The following HEG1 variants were observed in gnomAD, a reference collection of about 807,000 sequenced individuals.
HEG1 encodes the protein heart development protein with EGF like domains 1.
Under a neutral mutation model 125.6 loss-of-function variants are expected in HEG1, and 56 were observed. The ratio of observed to expected loss-of-function variants is 0.45; its 90% CI spans 0.36 to 0.56. The LOEUF (loss-of-function observed/expected upper bound fraction) is 0.56. HEG1 is among the 20% of genes least tolerant of loss of function. The probability of loss-of-function intolerance (pLI) is 0.00; values close to 1 mark genes in which losing one functional copy is unlikely to be tolerated. For missense variants in HEG1, 1,523 were observed against 1,670.0 expected (o/e 0.91, Z 1.53); for synonymous variants, 644 against 668.5 (o/e 0.96, Z 0.57).
At position 125,010,446 on chromosome 3, in the gene HEG1, G is replaced by A. The variant is rs762366970; in HGVS notation, c.3066C>T (p.Cys1022=). 6.4e-7 allele frequency: 1 copy of A among 1,551,022 alleles called. No individual in the cohort carries two copies. Among genetic ancestry groups the A allele is most frequent in the South Asian group, 1.2e-5 (1 of 83,972 alleles). ...RCPPSWQGDD[C]SVDVNECLSN... ...CGTTACTTTTTCTCTTACCCACACT[G>A]CAATCATCCCCTTGCCAGGAAGGCG... The change falls in exon 7 of 17, where the codon TGC becomes TGT. Residue 1022 remains cysteine, a synonymous_variant. Coordinates refer to ENST00000311127, the MANE Select transcript of HEG1 (RefSeq NM_020733.2).
chr3:125,040,271 A>T (rs1339484689), intron 1 of HEG1, among the ~76,000 whole-genome samples: 1 of 152,190 alleles, frequency 6.6e-6, no homozygotes, highest in East Asian at 1.9e-4. Flanking sequence ...AGGATCAAGG[A>T]CTGATTCCCG....
chr3:124,982,776 C>A (rs1345041324), intron 14 of HEG1, among the ~76,000 whole-genome samples: 3 of 152,214 alleles, frequency 2.0e-5, no homozygotes, highest in Non-Finnish European at 4.4e-5. Flanking sequence ...GGTGGGCACA[C>A]TCGGACATGT....
chr3:125,008,334 G>T (rs1268485171), intron 8 of HEG1, among the ~76,000 whole-genome samples: 2 of 152,080 alleles, frequency 1.3e-5, no homozygotes, highest in Non-Finnish European at 2.9e-5. Flanking sequence ...ATTTTGGTAG[G>T]GTACTTCTTA....
At chr3:125,042,546 G>A (rs749380495) in intron 1 of HEG1, among the ~76,000 whole-genome samples, 1 of 152,258 alleles carries the variant, frequency 6.6e-6, no homozygotes, top group Non-Finnish European at 1.5e-5. Flanking sequence ...TTCCAGGAGA[G>A]CTGGACCATG....
At chr3:125,032,942 G>A (rs1465054026) in intron 1 of HEG1, among the ~76,000 whole-genome samples, 1 of 152,100 alleles carries the variant, frequency 6.6e-6, no homozygotes, top group African/African-American at 2.4e-5. Flanking sequence ...TTCAGCTCAG[G>A]GAACTCCAGT....
At chr3:125,005,508 A>G (rs747596287) in intron 8 of HEG1, 140 bp from the exon 9 acceptor site, 22 of 556,594 alleles carry the variant, frequency 4.0e-5, no homozygotes, top group Non-Finnish European at 6.5e-5. Flanking sequence ...ATGGGTGAAG[A>G]CTCCCTCTCC....
At chr3:125,029,751 T>C (rs1937472026) in intron 1 of HEG1, among the ~76,000 whole-genome samples, 1 of 151,970 alleles carries the variant, frequency 6.6e-6, no homozygotes, top group Non-Finnish European at 1.5e-5. Context: ...AATTAGCCGG[T>C]CGTGATGGCA....
intron 14 of HEG1, among the ~76,000 whole-genome samples, chr3:124,989,667 C>T (rs566067400): frequency 6.6e-6 from 1 of 152,300 alleles, no homozygotes; most frequent in African/African-American, 2.4e-5. Context: ...GGCTGCTTGG[C>T]GTTCCACCCT....
At chr3:125,034,207 A>C (rs1440669027) in intron 1 of HEG1, among the ~76,000 whole-genome samples, 2 of 39,872 alleles carry the variant, frequency 5.0e-5, no homozygotes, top group African/African-American at 1.5e-4. Context: ...AAAACGAGGC[A>C]TCCATGAGGA....
At chr3:125,037,853 C>T (rs1257666626) in intron 1 of HEG1, among the ~76,000 whole-genome samples, 1 of 152,210 alleles carries the variant, frequency 6.6e-6, no homozygotes, top group Non-Finnish European at 1.5e-5. Context: ...CTCTTTCATA[C>T]CCTATGATCT....
At chr3:125,030,492 A>T (rs1937482996) in intron 1 of HEG1, among the ~76,000 whole-genome samples, 1 of 152,272 alleles carries the variant, frequency 6.6e-6, no homozygotes. Context: ...TACAGTAGAC[A>T]GTATCCACAA....
At chr3:124,980,756 T>C (rs1267584690) in intron 14 of HEG1, among the ~76,000 whole-genome samples, 1 of 152,144 alleles carries the variant, frequency 6.6e-6, no homozygotes, top group Non-Finnish European at 1.5e-5. Context: ...TGGCCTCCAG[T>C]GATCCGCTCA....
intron 1 of HEG1, among the ~76,000 whole-genome samples, chr3:125,032,260 C>T (rs1403500758): frequency 6.6e-6 from 1 of 152,198 alleles, no homozygotes; most frequent in Non-Finnish European, 1.5e-5. Context: ...CAGTGGCTCA[C>T]TTATTTGGGG....
At chr3:125,028,616 G>C (rs1303391950) in intron 2 of HEG1, among the ~76,000 whole-genome samples, 2 of 152,176 alleles carry the variant, frequency 1.3e-5, no homozygotes, top group Non-Finnish European at 2.9e-5. Context: ...ACTTCTCTGA[G>C]CTTCAGTTTC....
chr3:125,014,410 T>C (rs1424872631), intron 5 of HEG1, among the ~76,000 whole-genome samples: 2 of 152,196 alleles, frequency 1.3e-5, no homozygotes, highest in East Asian at 3.8e-4. Flanking sequence ...CTTTCCATTC[T>C]ATAGAATGAG....
At chr3:124,992,670 C>T (rs768154557) in intron 12 of HEG1, among the ~76,000 whole-genome samples, 7 of 152,306 alleles carry the variant, frequency 4.6e-5, no homozygotes, top group Admixed American at 1.3e-4. Context: ...TTCCTCATGA[C>T]GATGTGTTGA....
intron 9 of HEG1, among the ~76,000 whole-genome samples, chr3:125,002,560 T>A (rs1235989859): frequency 1.3e-5 from 2 of 152,174 alleles, no homozygotes; most frequent in African/African-American, 4.8e-5. Flanking sequence ...GAAATGATGT[T>A]CAGAATAGCA....
intron 14 of HEG1, among the ~76,000 whole-genome samples, chr3:124,981,233 CT>C (rs11461179): frequency 1.4e-5 from 2 of 142,234 alleles, no homozygotes; most frequent in African/African-American, 2.6e-5. Context: ...TCACTTTTTC[CT>C]TTTTTTTTTT....
At position 125,038,282 on chromosome 3, in the gene HEG1, T is replaced by G. The variant is rs977270485; in HGVS notation, c.317-8794A>C. Among the ~76,000 whole-genome samples the G allele has an allele frequency of 3.2e-4, 48 of 152,134 alleles. 1 individual carries two copies. Among genetic ancestry groups the G allele is most frequent in the African/African-American group, 1.1e-3 (47 of 41,410 alleles). On this transcript the variant is annotated intron_variant, in intron 1 of 16. Coordinates refer to ENST00000311127, the MANE Select transcript of HEG1 (RefSeq NM_020733.2). ...GAATTCCACTCCACGACACCTCTCCTAGGAGGTATAGGGAGAGCTTAGGAC... is the reference window on the plus strand; with the variant it reads ...GAATTCCACTCCACGACACCTCTCCGAGGAGGTATAGGGAGAGCTTAGGAC...
Sources: allele counts gnomAD v4.1 joint callset (sites outside exome capture counted in the v4.1 genomes callset), GRCh38; gene constraint gnomAD v4.1.1; transcripts MANE v1.5; gene names NCBI Gene and HGNC (gene_info 2026-07-23, HGNC 2026-07-21).